The following GPR160 variants were observed in gnomAD, a reference collection of about 807,000 sequenced individuals.
GPR160 encodes probable G protein-coupled receptor 160.
Under a neutral mutation model 2.6 loss-of-function variants are expected in GPR160, and 2 were observed. The observed-to-expected ratio is 0.77, with a 90% CI of 0.32 to 2.44. GPR160 has a LOEUF of 2.44. GPR160 is among the 30% of genes most tolerant of loss of function. The probability of loss-of-function intolerance (pLI) is 0.11; values close to 1 mark genes in which losing one functional copy is unlikely to be tolerated. For missense variants in GPR160, 351 were observed against 383.6 expected (o/e 0.91, Z 0.71); for synonymous variants, 130 against 132.2 (o/e 0.98, Z 0.12).
intron 2 of GPR160, among the ~76,000 whole-genome samples, chr3:170,055,414 A>G (rs2108320090): frequency 6.6e-6 from 1 of 152,316 alleles, no homozygotes; most frequent in Non-Finnish European, 1.5e-5. Flanking sequence ...CTAAGCATGA[A>G]GAATGTCATA....
At chr3:170,066,483 A>G (rs182488374) in intron 2 of GPR160, among the ~76,000 whole-genome samples, 247 of 151,966 alleles carry the variant, frequency 1.6e-3, no homozygotes, top group Admixed American at 4.0e-3. Context: ...TTCTTGCTCT[A>G]TTCTGTGTCT....
In GPR160 at chr3:170,038,778, G is replaced by A. The variant is rs989878668; in HGVS notation, c.-321-137G>A. On this transcript the variant is annotated intron_variant, in intron 1 of 3. Transcript: ENST00000355897. The surrounding 1 kb of genome is among the most constrained non-coding windows in gnomAD (Gnocchi z 5.3). ...GGGATTAAGCCCCAGGGCCTTGCCC[G>A]GCTATTTGTTTTCCGAGGCCGTTGC... 2 of 152,152 alleles carry A rather than the reference G, an allele frequency of 1.3e-5. No homozygotes were observed. The highest frequency in any genetic ancestry group is 2.9e-5 in the Non-Finnish European group (2 of 68,020). The allele number at this position is 152,152 out of a possible 1,614,324, so 9.4% of individuals were successfully genotyped here.
intron 2 of GPR160, among the ~76,000 whole-genome samples, chr3:170,044,324 CAAAAAA>C (rs57817027): frequency 3.4e-5 from 3 of 89,260 alleles, no homozygotes; most frequent in Admixed American, 1.4e-4. Context: ...AACTCCATCT[CAAAAAA>C]AAAAAAAAAG....
intron 2 of GPR160, among the ~76,000 whole-genome samples, chr3:170,061,716 A>G (rs1213068840): frequency 6.6e-6 from 1 of 152,196 alleles, no homozygotes; most frequent in Non-Finnish European, 1.5e-5. Flanking sequence ...ATATTTAAAC[A>G]AAATTGAATT....
chr3:170,054,009 G>A (rs757002761), intron 2 of GPR160, among the ~76,000 whole-genome samples: 4 of 150,086 alleles, frequency 2.7e-5, no homozygotes, highest in Non-Finnish European at 5.9e-5. Context: ...CTTGGCATTT[G>A]TGCATGGAAT....
intron 2 of GPR160, among the ~76,000 whole-genome samples, chr3:170,067,285 G>A (rs995313571): frequency 2.1e-4 from 32 of 152,146 alleles, no homozygotes; most frequent in African/African-American, 7.5e-4. Context: ...GATTACAAGC[G>A]TGAGCCGTCG....
At chr3:170,053,014 T>C (rs73879163) in intron 2 of GPR160, among the ~76,000 whole-genome samples, 19,671 of 152,232 alleles carry the variant, frequency 0.13, 1,327 homozygotes, top group Middle Eastern at 0.18. Context: ...ATAAATCAAG[T>C]GGACTGGTTT....
At chr3:170,053,372 T>G (rs962067643) in intron 2 of GPR160, among the ~76,000 whole-genome samples, 1 of 152,174 alleles carries the variant, frequency 6.6e-6, no homozygotes, top group Non-Finnish European at 1.5e-5. Flanking sequence ...TATTTTATGT[T>G]TTTGAGTCTA....
rs763512509 is a variant in GPR160 at position 170,084,708 on chromosome 3, G to GTCTGTTTTCTCAGTACCTGGTTACCA, written c.738_763dup (p.Phe255SerfsTer15). ...AAAAATATTCTTATCCAAGCTCATTGTCTGTTTTCTCAGTACCTGGTTACC... is the reference window on the plus strand; with the variant it reads ...AAAAATATTCTTATCCAAGCTCATTGTCTGTTTTCTCAGTACCTGGTTACCATCTGTTTTCTCAGTACCTGGTTACC... On this transcript the variant is annotated frameshift_variant, in exon 4 of 4. Transcript: ENST00000355897. LOFTEE classifies it high-confidence loss of function. 1 of 1,612,678 alleles carries GTCTGTTTTCTCAGTACCTGGTTACCA rather than the reference G, an allele frequency of 6.2e-7. No individual in the cohort carries two copies. Among genetic ancestry groups the GTCTGTTTTCTCAGTACCTGGTTACCA allele is most frequent in the Non-Finnish European group, 8.5e-7 (1 of 1,179,134 alleles).
chr3:170,068,636 T>A lies in GPR160; in HGVS notation c.-192-11138T>A, dbSNP rs535080132. On this transcript the variant is annotated intron_variant, in intron 2 of 3. Coordinates refer to ENST00000355897, the MANE Select transcript of GPR160 (RefSeq NM_014373.3). Reference sequence around the variant, plus strand: ...CCAACTCTCTGTTTACCTTACTACTTCTGCCATCATATTTTATTTTCCAAG... The same window carrying A: ...CCAACTCTCTGTTTACCTTACTACTACTGCCATCATATTTTATTTTCCAAG... Among the ~76,000 whole-genome samples, 4 of 152,364 alleles carry A rather than the reference T, an allele frequency of 2.6e-5. No homozygotes were observed. The South Asian group carries it at 8.3e-4, about 32-fold the overall frequency.
chr3:170,064,566 T>G (rs1185636039), intron 2 of GPR160, among the ~76,000 whole-genome samples: 5 of 141,204 alleles, frequency 3.5e-5, no homozygotes, highest in Non-Finnish European at 7.6e-5. Context: ...TCGCCCAGGC[T>G]GGAGTACAGT....
chr3:170,046,156 C>G (rs369274485), intron 2 of GPR160, among the ~76,000 whole-genome samples: 2 of 152,134 alleles, frequency 1.3e-5, no homozygotes, highest in African/African-American at 4.8e-5. Context: ...GACCTCTGTT[C>G]GTGGAGTGAG....
Position 170,084,020 on chromosome 3 carries a change from TCAAA to T in GPR160, c.54_57del (p.Asn19SerfsTer3), listed in dbSNP as rs1487584187. On this transcript the variant is annotated frameshift_variant, in exon 4 of 4. Coordinates refer to ENST00000355897, the MANE Select transcript of GPR160 (RefSeq NM_014373.3). LOFTEE classifies it low-confidence loss of function (END_TRUNC). ...ACTGCTCTTTTCAGTACCAGTTACG[TCAAA>T]CAAACCAGCCCCTAGATGTTAACTA... is the stretch of plus-strand genomic sequence containing the variant. The T allele has an allele frequency of 6.4e-7, 1 of 1,558,072 alleles. No individual in the cohort carries two copies. Among genetic ancestry groups the T allele is most frequent in the Non-Finnish European group, 8.6e-7 (1 of 1,159,268 alleles).
chr3:170,070,967 A>G (rs1479119181), intron 2 of GPR160, among the ~76,000 whole-genome samples: 1 of 152,226 alleles, frequency 6.6e-6, no homozygotes, highest in Non-Finnish European at 1.5e-5. Context: ...ACCCCAATCC[A>G]GATGTAGAAC....
chr3:170,078,325 C>T (rs371552682), intron 2 of GPR160, among the ~76,000 whole-genome samples: 3 of 152,146 alleles, frequency 2.0e-5, no homozygotes, highest in South Asian at 4.1e-4. Flanking sequence ...CCCCCAGCCC[C>T]ACCGTTACCG....
rs142366644 is a variant in GPR160 at position 170,084,792 on chromosome 3, G to A, written c.820G>A (p.Glu274Lys). Residue 274 changes from glutamate (E) to lysine (K), a missense_variant, in exon 4 of 4, where the codon GAG becomes AAG. Physicochemically the swap from Glu to Lys is moderately conservative, Grantham distance 56 (BLOSUM62 1). Coordinates refer to ENST00000355897, the MANE Select transcript of GPR160 (RefSeq NM_014373.3). ...LLKVQIPAYI[E>K]MNIPWLYFVN... The stretch of plus-strand genomic sequence containing the variant: ...TAAAGTTCAGATTCCAGCATATATT[G>A]AGATGAATATTCCCTGGTTATACTT... The A allele has an allele frequency of 1.8e-4, 295 of 1,603,452 alleles. No individual in the cohort carries two copies. Among genetic ancestry groups the A allele is most frequent in the Non-Finnish European group, 2.4e-4 (283 of 1,171,032 alleles).
At chr3:170,056,907 G>A (rs1329167498) in intron 2 of GPR160, among the ~76,000 whole-genome samples, 1 of 152,202 alleles carries the variant, frequency 6.6e-6, no homozygotes, top group Non-Finnish European at 1.5e-5. Flanking sequence ...TCATACATCA[G>A]TGCTCTAGTT....
At chr3:170,053,882 T>C (rs1711513082) in intron 2 of GPR160, among the ~76,000 whole-genome samples, 1 of 152,138 alleles carries the variant, frequency 6.6e-6, no homozygotes, top group African/African-American at 2.4e-5. Context: ...AATGTGAATA[T>C]ATTTATTTTT....
At chr3:170,054,116 T>A in intron 2 of GPR160, among the ~76,000 whole-genome samples, 1 of 151,682 alleles carries the variant, frequency 6.6e-6, no homozygotes, top group Non-Finnish European at 1.5e-5. Context: ...TGTGTGTGTA[T>A]GTGTGTGTAG....
Sources: gnomAD v4.1 joint callset for allele counts (sites outside exome capture counted in the v4.1 genomes callset) on GRCh38, gnomAD v4.1.1 for gene constraint, Gnocchi (gnomAD v3.1) non-coding constraint, MANE v1.5 for transcripts, NCBI Gene and HGNC (gene_info 2026-07-23, HGNC 2026-07-21) for gene names.